Variants in PAK5 observed in about 807,000 individuals in gnomAD.
PAK5 encodes serine/threonine-protein kinase PAK 5.
A neutral mutation model predicts 65.9 loss-of-function variants in PAK5; 16 were observed. That is an observed-to-expected ratio of 0.24 (90% CI 0.16 to 0.37). The LOEUF (loss-of-function observed/expected upper bound fraction) is 0.37, where lower values mean the gene tolerates loss of function less well. PAK5 is among the 10% of genes least tolerant of loss of function. The pLI is 1.00. For missense variants in PAK5, 785 were observed against 903.9 expected (o/e 0.87, Z 1.69); for synonymous variants, 371 against 354.9 (o/e 1.05, Z -0.51).
At chr20:9,819,915 G>T (rs2049400011) in intron 1 of PAK5, among the ~76,000 whole-genome samples, 2 of 152,164 alleles carry the variant, frequency 1.3e-5, no homozygotes, top group Non-Finnish European at 2.9e-5. Flanking sequence ...AAGAGCTGTA[G>T]GGGGGCTGTC....
At chr20:9,806,367 A>G (rs1054053619) in intron 1 of PAK5, among the ~76,000 whole-genome samples, 1 of 152,174 alleles carries the variant, frequency 6.6e-6, no homozygotes, top group Non-Finnish European at 1.5e-5. Flanking sequence ...GCTTTGCTCC[A>G]GTTCCTGCAT....
At chr20:9,612,284 C>G (rs1055852386) in intron 3 of PAK5, among the ~76,000 whole-genome samples, 1 of 152,154 alleles carries the variant, frequency 6.6e-6, no homozygotes, top group Non-Finnish European at 1.5e-5. Flanking sequence ...ATGTCGTCTC[C>G]GTCTGGAGAA....
intron 2 of PAK5, among the ~76,000 whole-genome samples, chr20:9,686,081 G>GC (rs1325782359): frequency 6.6e-6 from 1 of 151,966 alleles, no homozygotes; most frequent in African/African-American, 2.4e-5. Context: ...CTTTGTAGTG[G>GC]CAAAAAAAGG....
chr20:9,779,600 G>C (rs1339770098), intron 1 of PAK5, among the ~76,000 whole-genome samples: 1 of 151,596 alleles, frequency 6.6e-6, no homozygotes, highest in Non-Finnish European at 1.5e-5. Context: ...CAGTTTCTAA[G>C]AACTTGGCAC....
Position 9,580,883 on chromosome 20 carries a change from G to A in PAK5, c.252C>T (p.Gly84=), listed in dbSNP as rs148530635. The change falls in exon 4 of 10, where the codon GGC becomes GGT. Residue 84 remains glycine, a synonymous_variant. Transcript: ENST00000353224. ...NKPCKETSIN[G]LLEDFDNISV... The stretch of plus-strand genomic sequence containing the variant: ...AGATGTTGTCAAAATCCTCTAGCAG[G>A]CCGTTGATGGAGGTTTCCTTGCAGG... 3 of 1,609,200 alleles carry A rather than the reference G, an allele frequency of 1.9e-6. No homozygotes were observed. The highest frequency in any genetic ancestry group is 2.2e-5 in the South Asian group (2 of 90,826).
intron 3 of PAK5, among the ~76,000 whole-genome samples, chr20:9,639,757 G>C (rs1322730131): frequency 2.6e-5 from 4 of 152,254 alleles, no homozygotes; most frequent in Non-Finnish European, 4.4e-5. Context: ...TAGCAGCTTA[G>C]AAGTGAGGAA....
intron 1 of PAK5, among the ~76,000 whole-genome samples, chr20:9,833,100 C>T (rs1978856675): frequency 1.3e-5 from 2 of 152,172 alleles, no homozygotes; most frequent in Admixed American, 1.3e-4. Context: ...TTGTTTTCCA[C>T]CTTGCATATA....
intron 3 of PAK5, among the ~76,000 whole-genome samples, chr20:9,590,120 T>C (rs1232411070): frequency 6.6e-6 from 1 of 151,980 alleles, no homozygotes; most frequent in Non-Finnish European, 1.5e-5. Flanking sequence ...TACAGGCATG[T>C]GCCAAAATGC....
At chr20:9,564,661 A>C (rs750700580) in intron 5 of PAK5, among the ~76,000 whole-genome samples, 1 of 152,162 alleles carries the variant, frequency 6.6e-6, no homozygotes. Context: ...AGTACATATC[A>C]TTTGATCTGT....
Position 9,566,050 on chromosome 20 carries a change from G to A in PAK5, c.1325C>T (p.Pro442Leu), listed in dbSNP as rs758296451. The change falls in exon 5 of 10, where the codon CCA becomes CTA. Residue 442 changes from proline to leucine, a missense_variant. Around this residue, in one of 4 missense-constraint regions of PAK5, gnomAD observed 182 missense variants for 273.0 expected, o/e 0.67. Coordinates refer to ENST00000353224, the MANE Select transcript of PAK5 (RefSeq NM_177990.4). ...GGCCAAGTATTCCCTGGGGTCTCCT[G>A]GGCTGACCACCAGCTGCAGGGCCGC... ...FRAALQLVVS[P>L]GDPREYLANF... The A allele has an allele frequency of 1.9e-6, 3 of 1,613,840 alleles. No individual in the cohort carries two copies. Among genetic ancestry groups the A allele is most frequent in the Middle Eastern group, 1.7e-4 (1 of 6,060 alleles).
intron 2 of PAK5, among the ~76,000 whole-genome samples, chr20:9,670,615 G>C (rs2047483273): frequency 6.6e-6 from 1 of 152,232 alleles, no homozygotes; most frequent in African/African-American, 2.4e-5. Flanking sequence ...TTTTTAAATG[G>C]GGTTGTTTGA....
In PAK5 at chr20:9,658,330, T is replaced by C. The variant is rs113123233; in HGVS notation, c.-11-13991A>G. The stretch of plus-strand genomic sequence containing the variant: ...CATATATTCTGTGGTCAGCTATGGG[T>C]TGTCTGGAAACTGACTGGTCTAGGA... On this transcript the variant is annotated intron_variant, in intron 2 of 9. Coordinates refer to ENST00000353224, the MANE Select transcript of PAK5 (RefSeq NM_177990.4). 1.8e-3 allele frequency among the ~76,000 whole-genome samples: 277 copies of C among 152,320 alleles called. 3 individuals carry two copies. The highest frequency in any genetic ancestry group is 5.7e-3 in the African/African-American group (236 of 41,580).
chr20:9,714,611 C>T (rs2048119824), intron 1 of PAK5, among the ~76,000 whole-genome samples: 1 of 152,106 alleles, frequency 6.6e-6, no homozygotes, highest in Admixed American at 6.6e-5. Flanking sequence ...TTTACTTGTA[C>T]TTCATAGGAA....
intron 3 of PAK5, among the ~76,000 whole-genome samples, chr20:9,585,854 A>G (rs1249472774): frequency 2.0e-5 from 3 of 152,246 alleles, no homozygotes; most frequent in Non-Finnish European, 4.4e-5. Context: ...ATGAAGGCTA[A>G]GAAAAGCATG....
At chr20:9,815,544 A>T (rs142092410) in intron 1 of PAK5, among the ~76,000 whole-genome samples, 101 of 152,242 alleles carry the variant, frequency 6.6e-4, no homozygotes, top group African/African-American at 2.4e-3. Context: ...ATGGAACAGT[A>T]ATTACTTTCA....
chr20:9,829,963 C>T (rs1978575551), intron 1 of PAK5, among the ~76,000 whole-genome samples: 1 of 152,180 alleles, frequency 6.6e-6, no homozygotes, highest in Admixed American at 6.5e-5. Context: ...CAAGTCCAAG[C>T]TCCATTTACA....
chr20:9,591,269 A>G (rs1002913396), intron 3 of PAK5, among the ~76,000 whole-genome samples: 2 of 152,268 alleles, frequency 1.3e-5, no homozygotes, highest in South Asian at 2.1e-4. Context: ...GCTCACACCT[A>G]CCTGTTACAA....
intron 1 of PAK5, among the ~76,000 whole-genome samples, chr20:9,821,196 C>T (rs1259900296): frequency 2.0e-5 from 3 of 152,068 alleles, no homozygotes; most frequent in African/African-American, 4.8e-5. Context: ...GCCTGGCCAA[C>T]ATGGTGAAAC....
intron 4 of PAK5, among the ~76,000 whole-genome samples, chr20:9,573,765 A>C (rs899427970): frequency 3.9e-5 from 6 of 152,192 alleles, no homozygotes; most frequent in African/African-American, 1.4e-4. Flanking sequence ...GTGTGGACAC[A>C]GCCACAGTGT....
Sources: gnomAD v4.1 joint callset for allele counts (sites outside exome capture counted in the v4.1 genomes callset) on GRCh38, gnomAD v4.1.1 for gene constraint, gnomAD v4.1.1 regional missense constraint, MANE v1.5 for transcripts, NCBI Gene and HGNC (gene_info 2026-07-23, HGNC 2026-07-21) for gene names.